Variants in POC1B observed in about 807,000 individuals in gnomAD.
POC1B encodes POC1 centriolar protein B.
A neutral mutation model predicts 60.6 loss-of-function variants in POC1B; 44 were observed. That is an observed-to-expected ratio of 0.73 (90% CI 0.57 to 0.93). POC1B has a LOEUF of 0.93. POC1B is among the 40% of genes least tolerant of loss of function. The pLI is 0.00. For missense variants in POC1B, 555 were observed against 572.3 expected (o/e 0.97, Z 0.31); for synonymous variants, 180 against 198.9 (o/e 0.90, Z 0.80).
At chr12:89,503,015 T>C (rs953519412) in intron 2 of POC1B, among the ~76,000 whole-genome samples, 28 of 152,186 alleles carry the variant, frequency 1.8e-4, no homozygotes, top group Admixed American at 3.9e-4. Context: ...GGGACATTTG[T>C]CTTTGTAATT....
intron 3 of POC1B, among the ~76,000 whole-genome samples, chr12:89,493,334 ATAAGACTAGCATCTAGC>A (rs1307546453): frequency 2.0e-5 from 3 of 152,234 alleles, no homozygotes; most frequent in Admixed American, 6.5e-5. Context: ...ATTCATCTCT[ATAAGACTAGCATCTAGC>A]AATATGTCAA....
chr12:89,513,737 G>T (rs1330940788), intron 2 of POC1B, among the ~76,000 whole-genome samples: 1 of 152,122 alleles, frequency 6.6e-6, no homozygotes, highest in Admixed American at 6.5e-5. Context: ...ACAGCAGGAG[G>T]TGAGCGGCAG....
rs184768321 is a variant in POC1B at position 89,524,310 on chromosome 12, G to T, written c.100+810C>A. On this transcript the variant is annotated intron_variant, in intron 2 of 11. Coordinates refer to ENST00000313546, the MANE Select transcript of POC1B (RefSeq NM_172240.3). ...CATCCTCGTTGAGCTGGAGTTTGCT[G>T]GCTTTCCCCCACTCCCCAAGTGCAC... 91 of 1,613,984 alleles carry T rather than the reference G, an allele frequency of 5.6e-5. 1 individual carries two copies. The African/African-American group carries it at 8.4e-4, about 15-fold the overall frequency.
chr12:89,508,301 T>C (rs963396867), intron 2 of POC1B, among the ~76,000 whole-genome samples: 1 of 152,342 alleles, frequency 6.6e-6, no homozygotes, highest in African/African-American at 2.4e-5. Flanking sequence ...TTGGTAAATT[T>C]TTATTTTGAT....
intron 2 of POC1B, among the ~76,000 whole-genome samples, chr12:89,512,943 C>G (rs902476346): frequency 3.3e-5 from 5 of 152,116 alleles, no homozygotes; most frequent in African/African-American, 9.7e-5. Flanking sequence ...CAGTGCTTCT[C>G]AAAGCAAAGG....
At position 89,427,200 on chromosome 12, in the gene POC1B, T is replaced by C. The variant is rs1880802424; in HGVS notation, c.1114-1821A>G. 2.0e-5 allele frequency: 3 copies of C among 152,284 alleles called. No individual in the cohort carries two copies. In the South Asian group the frequency reaches 6.2e-4, roughly 32 times the overall value. The allele number at this position is 152,284 out of a possible 1,614,324, so 9.4% of individuals were successfully genotyped here. ...TGGCACTGACATAAGAATAGACATA[T>C]AAATCAAAGAAACAAAACTGAGAGT... is the stretch of plus-strand genomic sequence containing the variant. On this transcript the variant is annotated intron_variant, in intron 10 of 11. Transcript: ENST00000313546.
At chr12:89,471,385 T>C (rs563120097) in intron 6 of POC1B, among the ~76,000 whole-genome samples, 1 of 152,304 alleles carries the variant, frequency 6.6e-6, no homozygotes, top group East Asian at 1.9e-4. Context: ...CAACTTCTTT[T>C]TTTTTCTTTA....
rs182232530 is a variant in POC1B, at chr12:89,486,342, A to T, written c.452+5594T>A. On this transcript the variant is annotated intron_variant, in intron 4 of 11. Coordinates refer to ENST00000313546, the MANE Select transcript of POC1B (RefSeq NM_172240.3). ...ATAAGCTTGGCCCAGGAGAAGCAGAAACCTTTCTTGGAGGAAGAGATGCAG... is the reference window on the plus strand; with the variant it reads ...ATAAGCTTGGCCCAGGAGAAGCAGATACCTTTCTTGGAGGAAGAGATGCAG... Among the ~76,000 whole-genome samples, 111 of 152,254 alleles carry T rather than the reference A, an allele frequency of 7.3e-4. No individual in the cohort carries two copies. The East Asian group carries it at 0.011, about 15-fold the overall frequency.
chr12:89,456,928 T>G (rs1189804229), intron 10 of POC1B, among the ~76,000 whole-genome samples: 1 of 152,202 alleles, frequency 6.6e-6, no homozygotes, highest in East Asian at 1.9e-4. Context: ...ACAAACTTCT[T>G]TTATGCTACT....
intron 9 of POC1B, 127 bp downstream of exon 9, chr12:89,466,643 T>G (rs549717516): frequency 8.1e-6 from 7 of 867,778 alleles, no homozygotes; most frequent in Non-Finnish European, 1.2e-5. Context: ...AACAACTGTT[T>G]ATCAAAGTGC....
the POC1B span, among the ~76,000 whole-genome samples, chr12:89,405,257 TG>T: frequency 0.068 from 10,308 of 152,308 alleles, 407 homozygotes; most frequent in Non-Finnish European, 0.097. Context: ...AGTCCCCTAT[TG>T]ATCTCCTGAC....
chr12:89,497,372 G>A (rs751953828), intron 2 of POC1B, 30 bp from the exon 3 acceptor site: 1 of 1,589,378 alleles, frequency 6.3e-7, no homozygotes, highest in South Asian at 1.1e-5. Flanking sequence ...CAAAACCACT[G>A]TTTGTTAAAA....
intron 2 of POC1B, among the ~76,000 whole-genome samples, chr12:89,510,143 C>G (rs1870109134): frequency 6.6e-6 from 1 of 152,136 alleles, no homozygotes; most frequent in African/African-American, 2.4e-5. Context: ...GTCACCACGC[C>G]CAGCCTGTTT....
chr12:89,462,890 T>C (rs1204249398), intron 9 of POC1B, among the ~76,000 whole-genome samples: 7 of 152,180 alleles, frequency 4.6e-5, no homozygotes, highest in Non-Finnish European at 1.0e-4. Flanking sequence ...TTTATCATCA[T>C]GTAATGAACA....
At chr12:89,445,579 T>C (rs1881745556) in intron 10 of POC1B, among the ~76,000 whole-genome samples, 1 of 152,198 alleles carries the variant, frequency 6.6e-6, no homozygotes, top group Non-Finnish European at 1.5e-5. Flanking sequence ...ACTGGATCCC[T>C]TCCTTACACC....
chr12:89,480,702 G>A (rs1329536082), intron 4 of POC1B, among the ~76,000 whole-genome samples: 2 of 145,726 alleles, frequency 1.4e-5, no homozygotes, highest in African/African-American at 2.5e-5. Context: ...TGGGGTTCAC[G>A]CCATTCTCTT....
chr12:89,404,910 C>T, the POC1B span, among the ~76,000 whole-genome samples: 1 of 152,110 alleles, frequency 6.6e-6, no homozygotes, highest in Non-Finnish European at 1.5e-5. Context: ...CTACTCTCTC[C>T]CACCGCCCCC....
At position 89,470,352 on chromosome 12, in the gene POC1B, T is replaced by C. The variant is rs533084294; in HGVS notation, c.810+9A>G. 2.1e-6 allele frequency: 3 copies of C among 1,396,554 alleles called. No individual in the cohort carries two copies. Among genetic ancestry groups the C allele is most frequent in the South Asian group, 3.9e-5 (2 of 51,458 alleles). The allele number at this position is 1,396,554 out of a possible 1,614,324, so 86.5% of individuals were successfully genotyped here. A position where few individuals can be genotyped will look rare whatever the true frequency, so the allele number is the denominator to read the frequency against. On this transcript the variant is annotated intron_variant, in intron 7 of 11. Transcript: ENST00000313546. ...TATATATAAAAAGCAAGAATCTGAG[T>C]GTTAATACCGTATGTCCTTGAAGTG...
intron 2 of POC1B, among the ~76,000 whole-genome samples, chr12:89,510,415 T>C (rs987961996): frequency 5.3e-5 from 8 of 152,198 alleles, no homozygotes; most frequent in African/African-American, 1.9e-4. Flanking sequence ...ATTAGTATCA[T>C]TCAGCTCTCA....
Sources: allele counts gnomAD v4.1 joint callset (sites outside exome capture counted in the v4.1 genomes callset), GRCh38; gene constraint gnomAD v4.1.1; transcripts MANE v1.5; gene names NCBI Gene and HGNC (gene_info 2026-07-23, HGNC 2026-07-21).